The following ASIC2 variants were observed in gnomAD, a reference collection of about 807,000 sequenced individuals.
The protein encoded by ASIC2 is acid-sensing ion channel 2.
ASIC2 carries 25 observed loss-of-function variants against 57.3 expected under a neutral mutation model. The ratio of observed to expected loss-of-function variants is 0.44; its 90% CI spans 0.32 to 0.61. The LOEUF (loss-of-function observed/expected upper bound fraction) is 0.61. Among genes scored for constraint, ASIC2 ranks in the 20% least tolerant of loss-of-function variants. The pLI is 0.06. For missense variants in ASIC2, 641 were observed against 738.1 expected (o/e 0.87, Z 1.52); for synonymous variants, 319 against 307.5 (o/e 1.04, Z -0.39).
In ASIC2 at chr17:33,440,829, G is replaced by A. The variant is rs150723349; in HGVS notation, c.556-328762C>T. Reference sequence around the variant, plus strand: ...GTAGGTCGTTTGTTTTCTTGTAATCGAGTTATAAGAGTTCTTCACATATTC... The same window carrying A: ...GTAGGTCGTTTGTTTTCTTGTAATCAAGTTATAAGAGTTCTTCACATATTC... On this transcript the variant is annotated intron_variant, in intron 1 of 9. Transcript: ENST00000359872. 1.1e-3 allele frequency among the ~76,000 whole-genome samples: 163 copies of A among 152,160 alleles called. No individual in the cohort carries two copies. The South Asian group carries it at 0.024, about 22-fold the overall frequency.
intron 1 of ASIC2, among the ~76,000 whole-genome samples, chr17:34,099,628 GAA>G (rs201907559): frequency 1.2e-4 from 13 of 106,052 alleles, no homozygotes; most frequent in African/African-American, 2.0e-4. Context: ...GAAAGAAAAA[GAA>G]AAAGAAAGAA....
intron 1 of ASIC2, among the ~76,000 whole-genome samples, chr17:33,757,788 A>G (rs902297119): frequency 6.6e-5 from 10 of 152,228 alleles, no homozygotes; most frequent in African/African-American, 2.4e-4. Context: ...TTTAGCCCCA[A>G]GAAACATCCC....
chr17:33,740,561 G>C (rs1381416527), intron 1 of ASIC2, among the ~76,000 whole-genome samples: 2 of 152,224 alleles, frequency 1.3e-5, no homozygotes, highest in East Asian at 1.9e-4. Flanking sequence ...ATGACACTTG[G>C]GGATTATGCG....
chr17:33,248,775 T>G (rs1355463818), intron 1 of ASIC2, among the ~76,000 whole-genome samples: 3 of 152,238 alleles, frequency 2.0e-5, no homozygotes, highest in African/African-American at 7.2e-5. Context: ...CCCCCTCTGC[T>G]GCTGATAGAA....
At chr17:33,201,188 G>A (rs1270227494) in intron 1 of ASIC2, among the ~76,000 whole-genome samples, 1 of 152,094 alleles carries the variant, frequency 6.6e-6, no homozygotes, top group African/African-American at 2.4e-5. Context: ...TCTCCTCCAA[G>A]CAGTGAGGAC....
At chr17:33,885,165 A>T (rs370861839) in intron 1 of ASIC2, among the ~76,000 whole-genome samples, 31 of 152,292 alleles carry the variant, frequency 2.0e-4, no homozygotes, top group South Asian at 1.5e-3. Flanking sequence ...GCTGGTGTCA[A>T]ACTGCCCACA....
chr17:33,170,361 G>T (rs187035575), intron 1 of ASIC2, among the ~76,000 whole-genome samples: 1 of 152,154 alleles, frequency 6.6e-6, no homozygotes, highest in Non-Finnish European at 1.5e-5. Context: ...AATAGGAAAT[G>T]ATCTCCCATT....
chr17:33,722,124 G>C (rs1287791836), intron 1 of ASIC2, among the ~76,000 whole-genome samples: 1 of 152,220 alleles, frequency 6.6e-6, no homozygotes, highest in Non-Finnish European at 1.5e-5. Flanking sequence ...AAAGGACCCA[G>C]TGGGAGGTAA....
At chr17:33,782,305 T>G (rs1305280479) in intron 1 of ASIC2, among the ~76,000 whole-genome samples, 2 of 152,120 alleles carry the variant, frequency 1.3e-5, no homozygotes, top group South Asian at 4.1e-4. Flanking sequence ...CATTTACATC[T>G]GTGGTCCTCT....
intron 1 of ASIC2, among the ~76,000 whole-genome samples, chr17:33,326,892 T>C (rs976803048): frequency 2.3e-5 from 3 of 129,314 alleles, no homozygotes; most frequent in East Asian, 2.2e-4. Flanking sequence ...CATTCCCTTC[T>C]TCCAGACCCA....
intron 1 of ASIC2, among the ~76,000 whole-genome samples, chr17:33,604,815 C>T (rs571249998): frequency 6.6e-6 from 1 of 152,162 alleles, no homozygotes; most frequent in East Asian, 1.9e-4. Context: ...AAAGGTGGGG[C>T]TTCAGTGTGA....
At chr17:33,019,135 G>A (rs1179911500) in intron 7 of ASIC2, among the ~76,000 whole-genome samples, 1 of 152,178 alleles carries the variant, frequency 6.6e-6, no homozygotes, top group African/African-American at 2.4e-5. Context: ...GGGGAGGTGT[G>A]TGATGTACGT....
chr17:33,298,641 T>C (rs1228206112), intron 1 of ASIC2, among the ~76,000 whole-genome samples: 1 of 152,228 alleles, frequency 6.6e-6, no homozygotes, highest in Non-Finnish European at 1.5e-5. Context: ...TCAAATGGTA[T>C]TTCTAGTTCT....
At chr17:33,675,498 G>A (rs1907790132) in intron 1 of ASIC2, among the ~76,000 whole-genome samples, 1 of 152,160 alleles carries the variant, frequency 6.6e-6, no homozygotes, top group Admixed American at 6.5e-5. Context: ...TTCTTGCCTT[G>A]GGGGACACAG....
chr17:33,963,292 G>A (rs1163668548), intron 1 of ASIC2, among the ~76,000 whole-genome samples: 12 of 152,164 alleles, frequency 7.9e-5, no homozygotes, highest in Non-Finnish European at 1.5e-5. Context: ...GGGTGCATCA[G>A]GTCCCATTGT....
chr17:33,685,547 T>C (rs1055656831), intron 1 of ASIC2, among the ~76,000 whole-genome samples: 1 of 152,174 alleles, frequency 6.6e-6, no homozygotes, highest in East Asian at 1.9e-4. Context: ...AGTGACTAGC[T>C]GTGAAATCCC....
chr17:33,039,085 G>A (rs1270067606), intron 3 of ASIC2, among the ~76,000 whole-genome samples: 1 of 152,216 alleles, frequency 6.6e-6, no homozygotes, highest in African/African-American at 2.4e-5. Context: ...GGGCAGGAAA[G>A]CATATATGAG....
chr17:34,015,354 G>C (rs1906913878), intron 1 of ASIC2, among the ~76,000 whole-genome samples: 5 of 152,116 alleles, frequency 3.3e-5, no homozygotes, highest in Admixed American at 3.3e-4. Flanking sequence ...CCCTGTCAAG[G>C]TTTTAGTTCA....
chr17:33,256,772 C>T (rs1909094970), intron 1 of ASIC2, among the ~76,000 whole-genome samples: 1 of 152,160 alleles, frequency 6.6e-6, no homozygotes, highest in Non-Finnish European at 1.5e-5. Flanking sequence ...GCAGAGGTTG[C>T]AGTGAGCCAA....
Sources: gnomAD v4.1 joint callset for allele counts (sites outside exome capture counted in the v4.1 genomes callset) on GRCh38, gnomAD v4.1.1 for gene constraint, MANE v1.5 for transcripts, NCBI Gene and HGNC (gene_info 2026-07-23, HGNC 2026-07-21) for gene names.